The following ERCC1 variants were observed in gnomAD, a reference collection of about 807,000 sequenced individuals.
ERCC1 encodes the protein DNA excision repair protein ERCC-1.
A neutral mutation model predicts 37.6 loss-of-function variants in ERCC1; 36 were observed. The ratio of observed to expected loss-of-function variants is 0.96; its 90% CI spans 0.73 to 1.26. The LOEUF is 1.26. ERCC1 is among the 50% of genes most tolerant of loss of function. The pLI, the probability that ERCC1 is intolerant of heterozygous loss-of-function variation, is 0.00. For missense variants in ERCC1, 349 were observed against 376.5 expected, an observed-to-expected ratio of 0.93 and a Z score of 0.60; for synonymous variants, 156 against 162.1, an observed-to-expected ratio of 0.96 and a Z score of 0.28.
At chr19:45,412,761 T>TA (rs1437017042) in intron 9 of ERCC1, among the ~76,000 whole-genome samples, 4 of 151,598 alleles carry the variant, frequency 2.6e-5, no homozygotes, top group Non-Finnish European at 5.9e-5. Flanking sequence ...ATTTTTGAGA[T>TA]AGAGTTTCAC....
intron 9 of ERCC1, among the ~76,000 whole-genome samples, chr19:45,411,077 G>A (rs1457695497): frequency 6.6e-6 from 1 of 152,028 alleles, no homozygotes; most frequent in Non-Finnish European, 1.5e-5. Flanking sequence ...GCCCGCCTCG[G>A]CCTCCCAAAG....
intron 5 of ERCC1, among the ~76,000 whole-genome samples, chr19:45,418,174 C>T (rs781241189): frequency 1.8e-4 from 28 of 151,936 alleles, no homozygotes; most frequent in Non-Finnish European, 3.5e-4. Context: ...ATGGTGAAAC[C>T]GCATCTCTAC....
chr19:45,411,771 G>T (rs1285554546), intron 9 of ERCC1, among the ~76,000 whole-genome samples: 1 of 151,800 alleles, frequency 6.6e-6, no homozygotes, highest in Non-Finnish European at 1.5e-5. Flanking sequence ...TCCAGCCTGG[G>T]CAACAGAGTG....
In ERCC1 at chr19:45,423,796, C is replaced by T. The variant is rs2123543947; in HGVS notation, c.-23G>A. ...CCTCCCGCACCTGTGGTCCGGGCCTCACGGTTTCAGCGCCGCGAGGCCTCA... is the reference window on the plus strand; with the variant it reads ...CCTCCCGCACCTGTGGTCCGGGCCTTACGGTTTCAGCGCCGCGAGGCCTCA... On this transcript the variant is annotated 5_prime_UTR_variant, in exon 1 of 10. Transcript: ENST00000300853. 2 of 1,124,318 alleles carry T rather than the reference C, an allele frequency of 1.8e-6. No homozygotes were observed. Among genetic ancestry groups the T allele is most frequent in the South Asian group, 3.0e-5 (1 of 33,006 alleles). 69.6% of individuals were successfully genotyped at this position (1,124,318 alleles called of 1,614,324 possible).
intron 1 of ERCC1, among the ~76,000 whole-genome samples, chr19:45,432,649 C>G (rs780501353): frequency 2.0e-5 from 3 of 152,174 alleles, no homozygotes; most frequent in Admixed American, 6.6e-5. Context: ...TAAAGCAGTC[C>G]TCCCACCTCA....
chr19:45,419,723 G>T (rs1180731963), intron 4 of ERCC1, among the ~76,000 whole-genome samples: 1 of 152,156 alleles, frequency 6.6e-6, no homozygotes, highest in Admixed American at 6.5e-5. Flanking sequence ...GGTTGGAGGG[G>T]AAAGTTGTTT....
At chr19:45,439,014 C>G (rs967635097) in intron 1 of ERCC1, among the ~76,000 whole-genome samples, 3 of 152,020 alleles carry the variant, frequency 2.0e-5, no homozygotes, top group African/African-American at 7.2e-5. Flanking sequence ...TCTCCCAACC[C>G]CATCTCTACT....
intron 1 of ERCC1, among the ~76,000 whole-genome samples, chr19:45,450,047 C>T (rs1432555829): frequency 6.6e-6 from 1 of 152,184 alleles, no homozygotes; most frequent in East Asian, 1.9e-4. Context: ...ATACGGAGCA[C>T]TTATTATGTA....
intron 1 of ERCC1, among the ~76,000 whole-genome samples, chr19:45,440,879 G>T (rs1023797349): frequency 6.6e-6 from 1 of 152,084 alleles, no homozygotes; most frequent in African/African-American, 2.4e-5. Flanking sequence ...GACTACAGGT[G>T]TGCACCAGCA....
chr19:45,409,687 CAAG>C lies in ERCC1; in HGVS notation c.879_881del (p.Phe293del), dbSNP rs747755685. ...GCAGCTGGGGTCATCAGGGTACTTT[CAAG>C]AAGGGCTCGTGCAGGACATCAAACA... is the stretch of plus-strand genomic sequence containing the variant. On this transcript the variant is annotated inframe_deletion, in exon 10 of 10. Transcript: ENST00000300853. 3.8e-6 allele frequency: 4 copies of C among 1,061,698 alleles called. No homozygotes were observed. Among genetic ancestry groups the C allele is most frequent in the Non-Finnish European group, 4.4e-6 (3 of 675,946 alleles). The allele number at this position is 1,061,698 out of a possible 1,614,324, so 65.8% of individuals were successfully genotyped here.
intron 7 of ERCC1, chr19:45,414,336 G>C (rs1973919345): frequency 6.9e-6 from 3 of 437,850 alleles, no homozygotes; most frequent in African/African-American, 2.0e-5. Context: ...AATTAGACAG[G>C]CATGGTTGTG....
At position 45,408,991 on chromosome 19, in the gene ERCC1, G is replaced by A. The variant is rs757999734; in HGVS notation, c.*684C>T. ...AAAAGGGACAGATGGCAATGATGGA[G>A]CCAGGGACGGAGGCGATGGAGCCAG... On this transcript the variant is annotated 3_prime_UTR_variant, in exon 10 of 10. Transcript: ENST00000300853. 6.8e-6 allele frequency: 11 copies of A among 1,614,060 alleles called. No homozygotes were observed. Among genetic ancestry groups the A allele is most frequent in the Non-Finnish European group, 9.3e-6 (11 of 1,180,014 alleles).
chr19:45,409,336 T>A lies in ERCC1; in HGVS notation c.*339A>T. 6.2e-7 allele frequency: 1 copy of A among 1,613,884 alleles called. No individual in the cohort carries two copies. Among genetic ancestry groups the A allele is most frequent in the African/African-American group, 1.3e-5 (1 of 74,928 alleles). On this transcript the variant is annotated 3_prime_UTR_variant, in exon 10 of 10. Coordinates refer to ENST00000300853, the MANE Select transcript of ERCC1 (RefSeq NM_001983.4). Reference sequence around the variant, plus strand: ...AGGGACAGCCTGAAGCCAGGGCAACTCCGGGATCCACCAAGAAGAGGAAGA... The same window carrying A: ...AGGGACAGCCTGAAGCCAGGGCAACACCGGGATCCACCAAGAAGAGGAAGA...
intron 9 of ERCC1, chr19:45,413,446 T>G: frequency 1.2e-6 from 1 of 819,196 alleles, no homozygotes; most frequent in Non-Finnish European, 2.0e-6. Context: ...CCCAGCTAGT[T>G]TTTTTTATTT....
At chr19:45,414,586 A>G in intron 7 of ERCC1, 1 of 457,120 alleles carries the variant, frequency 2.2e-6, no homozygotes, top group African/African-American at 2.0e-5. Context: ...AGTGGAGGCC[A>G]CGGGGCTTCT....
intron 2 of ERCC1, 90 bp downstream of exon 2, chr19:45,423,180 A>G: frequency 7.5e-7 from 1 of 1,326,848 alleles, no homozygotes; most frequent in Non-Finnish European, 1.1e-6. Flanking sequence ...CAAATCCACT[A>G]ACCCACACCC....
At chr19:45,432,313 ATTAG>A (rs1421132487) in intron 1 of ERCC1, among the ~76,000 whole-genome samples, 1 of 145,868 alleles carries the variant, frequency 6.9e-6, no homozygotes, top group Non-Finnish European at 1.5e-5. Context: ...TATTATTATT[ATTAG>A]TTATTTTTAG....
intron 1 of ERCC1, among the ~76,000 whole-genome samples, chr19:45,450,284 A>G (rs1267457649): frequency 6.6e-6 from 1 of 152,144 alleles, no homozygotes; most frequent in Non-Finnish European, 1.5e-5. Context: ...AACATCTCCA[A>G]ACACTCTAGT....
At chr19:45,450,336 C>G (rs182598991) in intron 1 of ERCC1, among the ~76,000 whole-genome samples, 702 of 152,332 alleles carry the variant, frequency 4.6e-3, no homozygotes, top group Middle Eastern at 0.01. Flanking sequence ...TTCTCTTCCT[C>G]AAGAAGGCTA....
Sources: gnomAD v4.1 joint callset for allele counts (sites outside exome capture counted in the v4.1 genomes callset) on GRCh38, gnomAD v4.1.1 for gene constraint, MANE v1.5 for transcripts, NCBI Gene and HGNC (gene_info 2026-07-23, HGNC 2026-07-21) for gene names.